Variants in AMBRA1 observed in about 807,000 individuals in gnomAD.
AMBRA1 encodes autophagy and beclin 1 regulator 1.
A neutral mutation model predicts 125.4 loss-of-function variants in AMBRA1; 47 were observed. The ratio of observed to expected loss-of-function variants is 0.37; its 90% CI spans 0.30 to 0.48. The LOEUF (loss-of-function observed/expected upper bound fraction) is 0.48, where lower values mean the gene tolerates loss of function less well. Ranked by LOEUF, AMBRA1 falls within the 20% of genes least tolerant of loss-of-function variation. AMBRA1 has a pLI of 0.99. For missense variants in AMBRA1, 1,331 were observed against 1,693.4 expected, an observed-to-expected ratio of 0.79 and a Z score of 3.76; for synonymous variants, 626 against 655.5, an observed-to-expected ratio of 0.95 and a Z score of 0.69.
At chr11:46,479,529 TC>T (rs1949970190) in intron 11 of AMBRA1, among the ~76,000 whole-genome samples, 1 of 152,092 alleles carries the variant, frequency 6.6e-6, no homozygotes, top group African/African-American at 2.4e-5. Context: ...AAACCCTGTC[TC>T]TACTAAAAAT....
chr11:46,427,150 G>A (rs886645393), intron 14 of AMBRA1, among the ~76,000 whole-genome samples: 1 of 152,064 alleles, frequency 6.6e-6, no homozygotes, highest in Non-Finnish European at 1.5e-5. Context: ...AATAAAGCTG[G>A]GACAAGTCAA....
chr11:46,565,527 C>G (rs1253827589), intron 1 of AMBRA1, among the ~76,000 whole-genome samples: 2 of 151,830 alleles, frequency 1.3e-5, no homozygotes, highest in Non-Finnish European at 2.9e-5. Context: ...GGCAACATGG[C>G]AAAACCCTGT....
chr11:46,543,449 G>T, intron 6 of AMBRA1, 51 bp from the exon 7 acceptor site: 1 of 1,580,878 alleles, frequency 6.3e-7, no homozygotes, highest in South Asian at 1.2e-5. Flanking sequence ...CAGTTAGGTA[G>T]AACCTCCAAG....
At chr11:46,482,179 T>G (rs1950096690) in intron 11 of AMBRA1, among the ~76,000 whole-genome samples, 1 of 152,210 alleles carries the variant, frequency 6.6e-6, no homozygotes, top group Non-Finnish European at 1.5e-5. Flanking sequence ...TAATACTACT[T>G]CATGGCCAAA....
Position 46,593,968 on chromosome 11 carries a change from G to C in AMBRA1, c.-261C>G. Reference sequence around the variant, plus strand: ...GGCGGCTTGAGCGCGGGGCCTCGCGGACAACTCAGCCCTCGACCCGGCGCC... The same window carrying C: ...GGCGGCTTGAGCGCGGGGCCTCGCGCACAACTCAGCCCTCGACCCGGCGCC... On this transcript the variant is annotated 5_prime_UTR_variant, in exon 1 of 18. Coordinates refer to ENST00000683756, the MANE Select transcript of AMBRA1 (RefSeq NM_001387011.1). The C allele has an allele frequency of 2.5e-6, 1 of 398,670 alleles. No individual in the cohort carries two copies. Among genetic ancestry groups the C allele is most frequent in the Non-Finnish European group, 4.4e-6 (1 of 226,108 alleles). The allele number at this position is 398,670 out of a possible 1,614,324, so 24.7% of individuals were successfully genotyped here. A position where few individuals can be genotyped will look rare whatever the true frequency, so the allele number is the denominator to read the frequency against.
At chr11:46,522,181 T>C (rs1951790588) in intron 7 of AMBRA1, among the ~76,000 whole-genome samples, 1 of 152,202 alleles carries the variant, frequency 6.6e-6, no homozygotes, top group Non-Finnish European at 1.5e-5. Flanking sequence ...TGGGAACATA[T>C]GACCCTCTGC....
At chr11:46,485,679 C>T (rs939274678) in intron 11 of AMBRA1, among the ~76,000 whole-genome samples, 1 of 152,134 alleles carries the variant, frequency 6.6e-6, no homozygotes, top group Non-Finnish European at 1.5e-5. Context: ...AGAAAGGGCA[C>T]ACGGGTAAAG....
intron 12 of AMBRA1, among the ~76,000 whole-genome samples, chr11:46,441,153 G>A (rs1028218421): frequency 1.3e-5 from 2 of 152,154 alleles, no homozygotes; most frequent in African/African-American, 4.8e-5. Flanking sequence ...ATGAGAGGCA[G>A]GAAAAAGAAA....
intron 1 of AMBRA1, among the ~76,000 whole-genome samples, chr11:46,575,703 G>A (rs984602286): frequency 1.3e-5 from 2 of 151,914 alleles, no homozygotes; most frequent in African/African-American, 4.8e-5. Flanking sequence ...TTTTAGTAGA[G>A]ATGGGGTTTC....
rs371523816 is a variant in AMBRA1, at chr11:46,535,775, G to C, written c.2072+6170C>G. On this transcript the variant is annotated intron_variant, in intron 7 of 17. Transcript: ENST00000683756. ...GAGCAAGCTGTATTCAATAGGAATGGGGTACCAAAAAGATAAAAAAAGGGA... is the reference window on the plus strand; with the variant it reads ...GAGCAAGCTGTATTCAATAGGAATGCGGTACCAAAAAGATAAAAAAAGGGA... Among the ~76,000 whole-genome samples the C allele has an allele frequency of 3.3e-5, 5 of 152,118 alleles. No homozygotes were observed. In the East Asian group the frequency reaches 9.6e-4, roughly 29 times the overall value.
At chr11:46,554,811 T>G (rs2043115744) in intron 1 of AMBRA1, among the ~76,000 whole-genome samples, 1 of 152,154 alleles carries the variant, frequency 6.6e-6, no homozygotes, top group Non-Finnish European at 1.5e-5. Context: ...TCCCTTAAAG[T>G]AAAGCAGACT....
intron 1 of AMBRA1, among the ~76,000 whole-genome samples, chr11:46,578,864 G>A (rs1211161674): frequency 3.5e-5 from 4 of 114,528 alleles, no homozygotes; most frequent in Non-Finnish European, 5.0e-5. Flanking sequence ...CAGCCTGGGC[G>A]ACAGAGAGAC....
chr11:46,536,860 C>T (rs1009353776), intron 7 of AMBRA1, among the ~76,000 whole-genome samples: 3 of 152,126 alleles, frequency 2.0e-5, no homozygotes, highest in South Asian at 4.1e-4. Context: ...ACACTAAGGC[C>T]GTCAATGTAC....
intron 11 of AMBRA1, among the ~76,000 whole-genome samples, chr11:46,466,170 T>C (rs1006100917): frequency 6.6e-6 from 1 of 152,154 alleles, no homozygotes; most frequent in East Asian, 1.9e-4. Flanking sequence ...GTTGGGAAGA[T>C]AGGACTTCCA....
At chr11:46,563,646 C>G (rs2043411093) in intron 1 of AMBRA1, among the ~76,000 whole-genome samples, 1 of 152,066 alleles carries the variant, frequency 6.6e-6, no homozygotes, top group African/African-American at 2.4e-5. Context: ...TTGAGACCAG[C>G]CTGGCCAATG....
intron 1 of AMBRA1, among the ~76,000 whole-genome samples, chr11:46,586,342 G>A (rs1464304485): frequency 6.6e-6 from 1 of 152,206 alleles, no homozygotes; most frequent in African/African-American, 2.4e-5. Context: ...CCAGGAGGCA[G>A]AGGCTGCAAT....
At chr11:46,522,660 C>T (rs1033762266) in intron 7 of AMBRA1, among the ~76,000 whole-genome samples, 1 of 152,150 alleles carries the variant, frequency 6.6e-6, no homozygotes, top group Non-Finnish European at 1.5e-5. Flanking sequence ...TTATTGAATT[C>T]CATAATGTTG....
intron 7 of AMBRA1, among the ~76,000 whole-genome samples, chr11:46,533,784 C>T (rs1443803164): frequency 2.0e-5 from 3 of 152,106 alleles, no homozygotes; most frequent in African/African-American, 7.2e-5. Flanking sequence ...TCCCAAGTCA[C>T]TCAAAGGAAA....
At chr11:46,501,684 A>G (rs1950845556) in intron 9 of AMBRA1, among the ~76,000 whole-genome samples, 1 of 152,140 alleles carries the variant, frequency 6.6e-6, no homozygotes, top group South Asian at 2.1e-4. Flanking sequence ...GACCACTGTC[A>G]CTCACTGATT....
Sources: allele counts gnomAD v4.1 joint callset (sites outside exome capture counted in the v4.1 genomes callset), GRCh38; gene constraint gnomAD v4.1.1; transcripts MANE v1.5; gene names NCBI Gene and HGNC (gene_info 2026-07-23, HGNC 2026-07-21).